Variants in LTBP4 observed in about 807,000 individuals in gnomAD.
LTBP4 encodes latent-transforming growth factor beta-binding protein 4.
In LTBP4, 93 loss-of-function variants were observed where a neutral mutation model predicts 180.2. The observed-to-expected ratio is 0.52, with a 90% confidence interval of 0.44 to 0.61. The LOEUF (loss-of-function observed/expected upper bound fraction) is 0.61, where lower values mean the gene tolerates loss of function less well. Ranked by LOEUF, LTBP4 falls within the 20% of genes least tolerant of loss-of-function variation. LTBP4 has a pLI of 0.00. For missense variants in LTBP4, 2,116 were observed against 2,256.5 expected (o/e 0.94, Z 1.26); for synonymous variants, 947 against 934.5 (o/e 1.01, Z -0.24).
chr19:40,600,798 T>A (rs767055084), upstream of LTBP4, among the ~76,000 whole-genome samples: 1 of 152,088 alleles, frequency 6.6e-6, no homozygotes, highest in South Asian at 2.1e-4. This position sits in a 1 kb window ranked among gnomAD's most constrained non-coding sequence, Gnocchi z 4.4. Context: ...TGTGGCGTTC[T>A]GGCCAGATGT....
chr19:40,626,981 T>C lies in LTBP4; in HGVS notation c.3992T>C (p.Phe1331Ser). The change falls in exon 28 of 30, where the codon TTC becomes TCC. Residue 1331 changes from phenylalanine to serine, a missense_variant. By Grantham distance (155) the Phe-to-Ser change is radical. Coordinates refer to ENST00000396819, the MANE Select transcript of LTBP4 (RefSeq NM_001042545.2). ...ALCPAQDSDD[F>S]EALCNVLRPP... is the part of the protein sequence containing the mutation. ...CCTTGGCTCCTGTTCCCAGATGACT[T>C]CGAGGCCCTGTGCAATGTGCTACGC... 1 of 1,552,406 alleles carries C rather than the reference T, an allele frequency of 6.4e-7. No individual in the cohort carries two copies. The highest frequency in any genetic ancestry group is 8.7e-7 in the Non-Finnish European group (1 of 1,145,366).
At position 40,605,529 on chromosome 19, in the gene LTBP4, A is replaced by AGCGGCGGCGCGGGCGGAG. The variant is rs1447972335; in HGVS notation, c.573_590dup (p.Arg193_Ala198dup). ...ACGCTGAGGCGGTGGCGCGGGCGGA[A>AGCGGCGGCGCGGGCGGAG]GCGGCGGCGCGGGCGGAGGCGGCAG... On this transcript the variant is annotated inframe_insertion, in exon 3 of 30. Transcript: ENST00000396819. This position sits in a 1 kb window ranked among gnomAD's most constrained non-coding sequence, Gnocchi z 5.5. The AGCGGCGGCGCGGGCGGAG allele has an allele frequency of 3.7e-6, 6 of 1,608,062 alleles. No homozygotes were observed. The highest frequency in any genetic ancestry group is 2.2e-5 in the East Asian group (1 of 44,750).
chr19:40,600,403 G>C (rs1055654564), upstream of LTBP4, among the ~76,000 whole-genome samples: 1 of 152,224 alleles, frequency 6.6e-6, no homozygotes, highest in Non-Finnish European at 1.5e-5. The surrounding 1 kb of genome is among the most constrained non-coding windows in gnomAD (Gnocchi z 4.4). Context: ...GGTGGGGCCG[G>C]GAAGCCAGGC....
intron 1 of LTBP4, among the ~76,000 whole-genome samples, chr19:40,595,008 C>T (rs750717202): frequency 3.3e-5 from 5 of 151,964 alleles, no homozygotes; most frequent in Non-Finnish European, 7.4e-5. Flanking sequence ...TGGCCTAGTA[C>T]CCTGTGTGGG....
chr19:40,607,580 A>T, intron 7 of LTBP4, 51 bp downstream of exon 7: 1 of 1,516,586 alleles, frequency 6.6e-7, no homozygotes, highest in Non-Finnish European at 8.9e-7. Context: ...TGTGGCGCTC[A>T]TTCTACGCCC....
chr19:40,623,139 C>A lies in LTBP4; in HGVS notation c.3556+118C>A, dbSNP rs73546806. Reference sequence around the variant, plus strand: ...GTTTCTCTGTATCTGTCTCCCCGACCCCACCCATACTCTGTCTCTTTCTTT... The same window carrying A: ...GTTTCTCTGTATCTGTCTCCCCGACACCACCCATACTCTGTCTCTTTCTTT... On this transcript the variant is annotated intron_variant, in intron 24 of 29. Transcript: ENST00000396819. 900 of 641,882 alleles carry A rather than the reference C, an allele frequency of 1.4e-3. 8 individuals carry two copies. The African/African-American group carries it at 0.014, about 10-fold the overall frequency. 39.8% of individuals were successfully genotyped at this position (641,882 alleles called of 1,614,324 possible).
Position 40,626,961 on chromosome 19 carries a change from G to A in LTBP4, c.3986-14G>A. Reference sequence around the variant, plus strand: ...CAGCAGGGGCTGATTGTTTGCCTTGGCTCCTGTTCCCAGATGACTTCGAGG... The same window carrying A: ...CAGCAGGGGCTGATTGTTTGCCTTGACTCCTGTTCCCAGATGACTTCGAGG... On this transcript the variant is annotated splice_polypyrimidine_tract_variant and intron_variant, in intron 27 of 29. Coordinates refer to ENST00000396819, the MANE Select transcript of LTBP4 (RefSeq NM_001042545.2). 6.5e-7 allele frequency: 1 copy of A among 1,531,564 alleles called. No individual in the cohort carries two copies. The highest frequency in any genetic ancestry group is 8.8e-7 in the Non-Finnish European group (1 of 1,137,332). 94.9% of individuals were successfully genotyped at this position (1,531,564 alleles called of 1,614,324 possible).
At chr19:40,601,275 G>T, upstream of LTBP4, 1 of 836,270 alleles carries the variant, frequency 1.2e-6, no homozygotes, top group Non-Finnish European at 1.4e-6. Context: ...GTGGTGAGGA[G>T]GGGGGGCCTG....
chr19:40,608,583 G>A lies in LTBP4; in HGVS notation c.1406G>A (p.Gly469Asp). The A allele has an allele frequency of 1.3e-6, 2 of 1,597,558 alleles. No homozygotes were observed. Among genetic ancestry groups the A allele is most frequent in the Non-Finnish European group, 1.7e-6 (2 of 1,172,602 alleles). Residue 469 changes from glycine (G) to aspartate (D), a missense_variant, in exon 9 of 30, where the codon GGT (glycine) becomes GAT (aspartate). Physicochemically the swap from Gly to Asp is moderately conservative, Grantham distance 94 (BLOSUM62 -1). This residue lies in a region of LTBP4 where 877 missense variants were observed against 873.6 expected (regional missense o/e 1.00). Coordinates refer to ENST00000396819, the MANE Select transcript of LTBP4 (RefSeq NM_001042545.2). ...TTGCCCAGCATCCCTGCCTGGACTGGTCCTGAGATTCCTGAATCAGGTTTG... is the reference window on the plus strand; with the variant it reads ...TTGCCCAGCATCCCTGCCTGGACTGATCCTGAGATTCCTGAATCAGGTTTG... ...LPLPSIPAWT[G>D]PEIPESGPSS...
In LTBP4 at chr19:40,605,273, T is replaced by C. The variant is rs1443713573; in HGVS notation, c.442+47T>C. On this transcript the variant is annotated intron_variant, in intron 2 of 29. Coordinates refer to ENST00000396819, the MANE Select transcript of LTBP4 (RefSeq NM_001042545.2). This position sits in a 1 kb window ranked among gnomAD's most constrained non-coding sequence, Gnocchi z 5.5. ...TCCCCTCCGACCCCTGTCAAGCATT[T>C]CACTTTGCCCCTGACCCTCATATTT... 9 of 1,559,308 alleles carry C rather than the reference T, an allele frequency of 5.8e-6. No homozygotes were observed. Among genetic ancestry groups the C allele is most frequent in the Non-Finnish European group, 7.0e-6 (8 of 1,150,960 alleles).
rs749549839 is a variant in LTBP4 at position 40,608,492 on chromosome 19, C to T, written c.1315C>T (p.Pro439Ser). Reference sequence around the variant, plus strand: ...TACCCCTTCTTTATCAGGCTTTCTGCCCACCCATCGCCTGGAGCCCCGGCC... The same window carrying T: ...TACCCCTTCTTTATCAGGCTTTCTGTCCACCCATCGCCTGGAGCCCCGGCC... ...ATSRPSAGFL[P>S]THRLEPRPEP... The change falls in exon 9 of 30, where the codon CCC becomes TCC. Residue 439 changes from proline (P) to serine (S), a missense_variant. Physicochemically the swap from Pro to Ser is moderately conservative, Grantham distance 74 (BLOSUM62 -1). Around this residue, in one of 5 missense-constraint regions of LTBP4, gnomAD observed 877 missense variants for 873.6 expected, o/e 1.00. Coordinates refer to ENST00000396819, the MANE Select transcript of LTBP4 (RefSeq NM_001042545.2). 6.2e-7 allele frequency: 1 copy of T among 1,602,934 alleles called. No individual in the cohort carries two copies. Among genetic ancestry groups the T allele is most frequent in the Non-Finnish European group, 8.5e-7 (1 of 1,175,064 alleles).
rs1256933269 is a variant in LTBP4 at position 40,609,690 on chromosome 19, G to C, written c.1558+29G>C. 1 of 1,611,824 alleles carries C rather than the reference G, an allele frequency of 6.2e-7. No individual in the cohort carries two copies. Among genetic ancestry groups the C allele is most frequent in the Non-Finnish European group, 8.5e-7 (1 of 1,178,832 alleles). On this transcript the variant is annotated intron_variant, in intron 10 of 29. Transcript: ENST00000396819. The surrounding 1 kb of genome is among the most constrained non-coding windows in gnomAD (Gnocchi z 4.9). The stretch of plus-strand genomic sequence containing the variant: ...AGCAAGACGGAGGGCGCGGAAGGAG[G>C]CGGGGCGGGGGGCTTTGCCTGGTCA...
upstream of LTBP4, among the ~76,000 whole-genome samples, chr19:40,598,222 G>A (rs1309066102): frequency 6.6e-6 from 1 of 152,046 alleles, no homozygotes; most frequent in Non-Finnish European, 1.5e-5. Context: ...CCGCGGCGGG[G>A]GCGGGGCCGG....
chr19:40,608,727 A>G, intron 9 of LTBP4, 124 bp downstream of exon 9: 2 of 1,087,742 alleles, frequency 1.8e-6, no homozygotes, highest in Non-Finnish European at 1.3e-6. Context: ...CCTGGCCAAC[A>G]TGGCGAAACC....
At chr19:40,620,412 A>G (rs2081578285) in intron 22 of LTBP4, among the ~76,000 whole-genome samples, 1 of 151,574 alleles carries the variant, frequency 6.6e-6, no homozygotes, top group African/African-American at 2.4e-5. Context: ...TAATTTTTGT[A>G]TTTTTTGTAG....
At chr19:40,595,238 T>C (rs893550223) in intron 1 of LTBP4, among the ~76,000 whole-genome samples, 1 of 152,128 alleles carries the variant, frequency 6.6e-6, no homozygotes, top group African/African-American at 2.4e-5. Flanking sequence ...AGAGTGAAGC[T>C]CTGAGGGTGG....
rs2081553238 is a variant in LTBP4, at chr19:40,616,954, G to C, written c.2878G>C (p.Gly960Arg). The change falls in exon 20 of 30, where the codon GGC becomes CGC. Residue 960 changes from glycine (G) to arginine (R), a missense_variant. Coordinates refer to ENST00000396819, the MANE Select transcript of LTBP4 (RefSeq NM_001042545.2). ...CGAQRCENTP[G>R]SYRCTPACDP... ...AGCCCAGCGTTGTGAGAACACCCCT[G>C]GCTCCTACCGCTGCACACCAGCCTG... The C allele has an allele frequency of 4.3e-6, 7 of 1,614,002 alleles. No individual in the cohort carries two copies. In the East Asian group the frequency reaches 1.6e-4, roughly 36 times the overall value.
chr19:40,594,415 GGGGGA>G (rs1568398109), intron 1 of LTBP4: 1 of 152,104 alleles, frequency 6.6e-6, no homozygotes, highest in Non-Finnish European at 1.5e-5. Context: ...CCAAATTCTA[GGGGGA>G]GGGGAGGCTA....
chr19:40,605,888 C>T lies in LTBP4; in HGVS notation c.793+57C>T. On this transcript the variant is annotated intron_variant, in intron 4 of 29. Transcript: ENST00000396819. The surrounding 1 kb of genome is among the most constrained non-coding windows in gnomAD (Gnocchi z 5.5). The stretch of plus-strand genomic sequence containing the variant: ...AGCTGGGGAGTGGTGACAACCTCAC[C>T]GTTCCTCCTACTCTGCCCTAGATAA... The T allele has an allele frequency of 6.7e-7, 1 of 1,498,116 alleles. No homozygotes were observed. The highest frequency in any genetic ancestry group is 9.0e-7 in the Non-Finnish European group (1 of 1,116,482). The allele number at this position is 1,498,116 out of a possible 1,614,324, so 92.8% of individuals were successfully genotyped here.
Sources: gnomAD v4.1 joint callset for allele counts (sites outside exome capture counted in the v4.1 genomes callset) on GRCh38, gnomAD v4.1.1 for gene constraint, gnomAD v4.1.1 regional missense constraint, Gnocchi (gnomAD v3.1) non-coding constraint, MANE v1.5 for transcripts, NCBI Gene and HGNC (gene_info 2026-07-23, HGNC 2026-07-21) for gene names.